STK3: variants seen among roughly 807,000 people sequenced by gnomAD.
STK3 encodes serine/threonine-protein kinase 3.
In STK3, 41 loss-of-function variants were observed where a neutral mutation model predicts 58.0. The ratio of observed to expected loss-of-function variants is 0.71; its 90% CI spans 0.55 to 0.92. The LOEUF is 0.92. Among genes scored for constraint, STK3 ranks in the 40% least tolerant of loss-of-function variants. The pLI, the probability that STK3 is intolerant of heterozygous loss-of-function variation, is 0.00. For synonymous variants in STK3, 170 were observed against 191.0 expected (o/e 0.89, Z 0.91); for missense variants, 479 against 602.7 (o/e 0.79, Z 2.15).
intron 1 of STK3, among the ~76,000 whole-genome samples, chr8:98,894,378 A>G (rs1289214895): frequency 6.6e-6 from 1 of 152,156 alleles, no homozygotes; most frequent in Non-Finnish European, 1.5e-5. Context: ...CAACATCCTA[A>G]CTTTTTCCAG....
At chr8:98,907,444 C>T (rs573708401) in intron 1 of STK3, among the ~76,000 whole-genome samples, 7 of 146,394 alleles carry the variant, frequency 4.8e-5, no homozygotes, top group Non-Finnish European at 7.6e-5. Context: ...ACCTGGGAGG[C>T]AGAAGTTACA....
At chr8:98,900,107 C>T (rs1439242989) in intron 1 of STK3, among the ~76,000 whole-genome samples, 1 of 152,154 alleles carries the variant, frequency 6.6e-6, no homozygotes, top group Non-Finnish European at 1.5e-5. Context: ...GACAGGGTCT[C>T]CCTCTGTCGC....
chr8:98,872,459 A>C (rs1209325715), intron 3 of STK3, among the ~76,000 whole-genome samples: 1 of 151,784 alleles, frequency 6.6e-6, no homozygotes, highest in Non-Finnish European at 1.5e-5. Flanking sequence ...TTCTGTTGTG[A>C]CTCCATCTGG....
chr8:98,597,323 TAA>T (rs1563786220), intron 6 of STK3: 3 of 985,404 alleles, frequency 3.0e-6, no homozygotes, highest in Non-Finnish European at 3.6e-6. Flanking sequence ...GATTATAGGT[TAA>T]GAGTCAATCT....
At chr8:98,795,535 T>C (rs949779831) in intron 1 of STK3, among the ~76,000 whole-genome samples, 1 of 152,000 alleles carries the variant, frequency 6.6e-6, no homozygotes, top group Non-Finnish European at 1.5e-5. Context: ...CTGGAAGTCC[T>C]TGCCAGAACA....
At chr8:98,737,278 G>C (rs952502707) in intron 4 of STK3, among the ~76,000 whole-genome samples, 4 of 152,052 alleles carry the variant, frequency 2.6e-5, no homozygotes, top group Non-Finnish European at 5.9e-5. Context: ...AAATGAACAA[G>C]AGTAAAAAGA....
At chr8:98,365,379 C>T in the STK3 span, among the ~76,000 whole-genome samples, 3 of 152,136 alleles carry the variant, frequency 2.0e-5, no homozygotes, top group African/African-American at 7.2e-5. Context: ...AAGTTGTTCC[C>T]ATGATTGATG....
chr8:98,624,398 T>C (rs1818557471), intron 6 of STK3, among the ~76,000 whole-genome samples: 1 of 152,174 alleles, frequency 6.6e-6, no homozygotes, highest in Non-Finnish European at 1.5e-5. Context: ...TATCTACTCC[T>C]TTTAGAGTTG....
intron 6 of STK3, among the ~76,000 whole-genome samples, chr8:98,694,418 T>C (rs1824679062): frequency 1.3e-5 from 2 of 152,160 alleles, no homozygotes; most frequent in African/African-American, 4.8e-5. Context: ...GTTACATATG[T>C]ATACATGTGC....
chr8:98,777,645 G>C (rs1831789240), intron 1 of STK3, among the ~76,000 whole-genome samples: 1 of 152,182 alleles, frequency 6.6e-6, no homozygotes, highest in Non-Finnish European at 1.5e-5. Flanking sequence ...TTTAGGACTA[G>C]AGTGCATTCT....
intron 7 of STK3, among the ~76,000 whole-genome samples, chr8:98,583,620 T>C (rs957948493): frequency 7.2e-5 from 11 of 152,140 alleles, no homozygotes; most frequent in African/African-American, 2.7e-4. Flanking sequence ...TGATAAACAG[T>C]TACATGGTAA....
chr8:98,701,028 G>A (rs1400249230), intron 6 of STK3, among the ~76,000 whole-genome samples: 1 of 152,028 alleles, frequency 6.6e-6, no homozygotes, highest in Non-Finnish European at 1.5e-5. Context: ...AATTTGCTGG[G>A]TGTAGTGGTG....
In STK3 at chr8:98,706,507, G is replaced by A. The variant is rs761304300; in HGVS notation, c.644C>T (p.Ala215Val). The stretch of plus-strand genomic sequence containing the variant: ...ATCAGCATAAGGAGGTTTTCCTTCA[G>A]CCATTTCTATAGAAGTAATGCCAAG... ...WSLGITSIEM[A>V]EGKPPYADIH... Residue 215 changes from alanine to valine, a missense_variant, in exon 6 of 11, where the codon GCT becomes GTT. Physicochemically the swap from Ala to Val is moderately conservative, Grantham distance 64. Around this residue, in one of 3 missense-constraint regions of STK3, gnomAD observed 309 missense variants for 355.7 expected, o/e 0.87. Coordinates refer to ENST00000419617, the MANE Select transcript of STK3 (RefSeq NM_006281.4). The A allele has an allele frequency of 5.0e-6, 8 of 1,613,326 alleles. No homozygotes were observed. The highest frequency in any genetic ancestry group is 6.8e-6 in the Non-Finnish European group (8 of 1,179,770).
At chr8:98,883,439 C>A (rs1837870582), downstream of STK3, 1 of 503,516 alleles carries the variant, frequency 2.0e-6, no homozygotes, top group Admixed American at 3.2e-5. Flanking sequence ...TTCATCGAAA[C>A]TATCTAAATC....
chr8:98,545,949 T>C (rs1433361961), intron 9 of STK3, among the ~76,000 whole-genome samples: 2 of 152,188 alleles, frequency 1.3e-5, no homozygotes, highest in African/African-American at 4.8e-5. Flanking sequence ...TTACTACTGC[T>C]ATACTACAAT....
intron 1 of STK3, among the ~76,000 whole-genome samples, chr8:98,382,138 G>A (rs189165877): frequency 6.6e-6 from 1 of 152,172 alleles, no homozygotes; most frequent in Admixed American, 6.5e-5. Context: ...ACTGGGGCAG[G>A]AGCCCTGGGT....
At chr8:98,533,844 C>T (rs527656328) in intron 9 of STK3, among the ~76,000 whole-genome samples, 1 of 152,234 alleles carries the variant, frequency 6.6e-6, no homozygotes, top group East Asian at 1.9e-4. Context: ...ACCGTAAGTT[C>T]CCTAATGTAG....
intron 10 of STK3, among the ~76,000 whole-genome samples, chr8:98,514,992 A>G (rs541004820): frequency 3.9e-5 from 6 of 152,156 alleles, no homozygotes; most frequent in African/African-American, 1.4e-4. Context: ...CTTCTTCTTC[A>G]CCCTAATCCT....
chr8:98,695,373 G>C (rs576047130), intron 6 of STK3, among the ~76,000 whole-genome samples: 1 of 152,026 alleles, frequency 6.6e-6, no homozygotes, highest in South Asian at 2.1e-4. Flanking sequence ...TGTCAATTTT[G>C]GCTTTTGTTG....
Sources: gnomAD v4.1 joint callset for allele counts (sites outside exome capture counted in the v4.1 genomes callset) on GRCh38, gnomAD v4.1.1 for gene constraint, gnomAD v4.1.1 regional missense constraint, MANE v1.5 for transcripts, NCBI Gene and HGNC (gene_info 2026-07-23, HGNC 2026-07-21) for gene names.